BRINP1: variants seen among roughly 807,000 people sequenced by gnomAD.
The protein encoded by BRINP1 is BMP/retinoic acid inducible neural specific 1, also known as BMP/retinoic acid-inducible neural-specific protein 1.
BRINP1 carries 17 observed loss-of-function variants against 72.9 expected under a neutral mutation model. The ratio of observed to expected loss-of-function variants is 0.23; its 90% CI spans 0.16 to 0.35. BRINP1 has a LOEUF of 0.35. Among genes scored for constraint, BRINP1 ranks in the 10% least tolerant of loss-of-function variants. The pLI is 1.00. For synonymous variants in BRINP1, 418 were observed against 378.5 expected, an observed-to-expected ratio of 1.10 and a Z score of -1.21; for missense variants, 850 against 1,001.6, an observed-to-expected ratio of 0.85 and a Z score of 2.04.
intron 2 of BRINP1, among the ~76,000 whole-genome samples, chr9:119,278,261 G>A (rs1048408568): frequency 2.0e-5 from 3 of 152,052 alleles, no homozygotes; most frequent in Non-Finnish European, 2.9e-5. Context: ...TCCCCTCTTC[G>A]CCTCCCTGCC....
chr9:119,211,837 A>G (rs1487442919), intron 6 of BRINP1, among the ~76,000 whole-genome samples: 1 of 152,190 alleles, frequency 6.6e-6, no homozygotes, highest in Non-Finnish European at 1.5e-5. Flanking sequence ...AAAGTGTGAC[A>G]TAAATCATTT....
intron 2 of BRINP1, among the ~76,000 whole-genome samples, chr9:119,281,459 AAAAGT>A (rs975399583): frequency 2.6e-5 from 4 of 152,126 alleles, no homozygotes; most frequent in African/African-American, 9.7e-5. Context: ...CAGAGAGAGT[AAAAGT>A]AAAGAAGGGA....
chr9:119,227,524 G>A (rs1374352199), intron 5 of BRINP1, among the ~76,000 whole-genome samples: 1 of 152,048 alleles, frequency 6.6e-6, no homozygotes, highest in South Asian at 2.1e-4. Flanking sequence ...AGACACGAAA[G>A]GCACTGCTCT....
intron 4 of BRINP1, 98 bp downstream of exon 4, chr9:119,241,949 A>T (rs1447710790): frequency 1.5e-6 from 2 of 1,342,686 alleles, no homozygotes; most frequent in Non-Finnish European, 2.1e-6. Flanking sequence ...CATGGTTATG[A>T]ACCCAGAAAT....
At chr9:119,188,990 A>C (rs1278445448) in intron 7 of BRINP1, among the ~76,000 whole-genome samples, 2 of 152,212 alleles carry the variant, frequency 1.3e-5, no homozygotes, top group Non-Finnish European at 2.9e-5. Context: ...TAGCCACAGT[A>C]AGTTCTTAAG....
chr9:119,342,079 T>G (rs541430346), intron 1 of BRINP1, among the ~76,000 whole-genome samples: 1 of 152,128 alleles, frequency 6.6e-6, no homozygotes, highest in South Asian at 2.1e-4. Context: ...GTATTATTTT[T>G]TAACACAAAG....
chr9:119,327,009 T>C (rs1277538365), intron 1 of BRINP1, among the ~76,000 whole-genome samples: 5 of 152,174 alleles, frequency 3.3e-5, no homozygotes, highest in Non-Finnish European at 7.3e-5. Flanking sequence ...GTATGGAATC[T>C]ACAAACATTT....
intron 2 of BRINP1, among the ~76,000 whole-genome samples, chr9:119,255,992 A>T: frequency 6.8e-6 from 1 of 146,628 alleles, no homozygotes; most frequent in Non-Finnish European, 1.5e-5. Context: ...AACACGAGAC[A>T]GGAAGGAGAA....
chr9:119,197,416 C>T (rs1829749964), intron 7 of BRINP1, among the ~76,000 whole-genome samples: 1 of 152,158 alleles, frequency 6.6e-6, no homozygotes, highest in Admixed American at 6.5e-5. Flanking sequence ...GGATTACACA[C>T]ATTAATATAT....
chr9:119,222,938 A>C (rs1005044197), intron 5 of BRINP1, among the ~76,000 whole-genome samples: 1 of 151,988 alleles, frequency 6.6e-6, no homozygotes, highest in Admixed American at 6.6e-5. Flanking sequence ...CATGATACAA[A>C]CCAAATTTGG....
At chr9:119,285,736 G>GT (rs1196477259) in intron 2 of BRINP1, among the ~76,000 whole-genome samples, 1 of 151,918 alleles carries the variant, frequency 6.6e-6, no homozygotes, top group Non-Finnish European at 1.5e-5. Context: ...TATCCCTTAG[G>GT]TTTTCTTGAA....
At chr9:119,217,022 A>G (rs1829984834) in intron 5 of BRINP1, among the ~76,000 whole-genome samples, 1 of 152,236 alleles carries the variant, frequency 6.6e-6, no homozygotes, top group East Asian at 1.9e-4. Flanking sequence ...CAATGAAGAC[A>G]TAGCAATTAA....
intron 2 of BRINP1, among the ~76,000 whole-genome samples, chr9:119,262,562 C>G (rs1307186255): frequency 6.7e-6 from 1 of 148,738 alleles, no homozygotes; most frequent in Non-Finnish European, 1.5e-5. Context: ...AGGAGAATTG[C>G]TTGAACCCGG....
chr9:119,233,022 CT>C lies in BRINP1; in HGVS notation c.685+5632del, dbSNP rs113144460. On this transcript the variant is annotated intron_variant, in intron 5 of 7. Coordinates refer to ENST00000265922, the MANE Select transcript of BRINP1 (RefSeq NM_014618.3). ...CTAATCTCCTCCAATCCTGTTCTTT[CT>C]TTTTTTTTTTCTATTTTGCTTTACG... Among the ~76,000 whole-genome samples the C allele has an allele frequency of 2.3e-3, 336 of 147,558 alleles. 2 individuals are homozygous for C. Among genetic ancestry groups the C allele is most frequent in the African/African-American group, 6.3e-3 (254 of 40,354 alleles).
intron 7 of BRINP1, among the ~76,000 whole-genome samples, chr9:119,171,623 C>G (rs1430350440): frequency 1.6e-5 from 2 of 122,606 alleles, no homozygotes; most frequent in Non-Finnish European, 3.4e-5. Flanking sequence ...AGCTCTGCAC[C>G]AAGCGGACCT....
At chr9:119,364,831 T>A (rs1831674393) in intron 1 of BRINP1, among the ~76,000 whole-genome samples, 1 of 152,230 alleles carries the variant, frequency 6.6e-6, no homozygotes, top group Admixed American at 6.5e-5. Context: ...AGGGTCTAAT[T>A]TTCATCTGTC....
At chr9:119,280,265 G>A (rs1389241997) in intron 2 of BRINP1, among the ~76,000 whole-genome samples, 1 of 151,110 alleles carries the variant, frequency 6.6e-6, no homozygotes. Flanking sequence ...TTAAGTTGGA[G>A]TCTCGCTCTA....
In BRINP1 at chr9:119,167,573, G is replaced by A. The variant is rs1829331947; in HGVS notation, c.1797C>T (p.Asn599=). The change falls in exon 8 of 8, where the codon AAC becomes AAT. Residue 599 remains asparagine, a synonymous_variant. Transcript: ENST00000265922. This position sits in a 1 kb window ranked among gnomAD's most constrained non-coding sequence, Gnocchi z 4.3. ...ACCGATTGCCCAGCAAAAGAGTCCAGTTGTAGCACTGGCTGTTTTGGAGAC... is the reference window on the plus strand; with the variant it reads ...ACCGATTGCCCAGCAAAAGAGTCCAATTGTAGCACTGGCTGTTTTGGAGAC... ...KIRLQNSQCY[N]WTLLLGNRWK... 6.2e-7 allele frequency: 1 copy of A among 1,614,200 alleles called. No individual in the cohort carries two copies. Among genetic ancestry groups the A allele is most frequent in the Non-Finnish European group, 8.5e-7 (1 of 1,180,042 alleles).
At chr9:119,229,447 T>A (rs1830126265) in intron 5 of BRINP1, among the ~76,000 whole-genome samples, 1 of 151,946 alleles carries the variant, frequency 6.6e-6, no homozygotes, top group Admixed American at 6.6e-5. Context: ...AGCCAGCAAA[T>A]GGTAGAACTA....
Sources: allele counts gnomAD v4.1 joint callset (sites outside exome capture counted in the v4.1 genomes callset), GRCh38; gene constraint gnomAD v4.1.1; non-coding constraint Gnocchi (gnomAD v3.1); transcripts MANE v1.5; gene names NCBI Gene and HGNC (gene_info 2026-07-23, HGNC 2026-07-21).